HIVEP2: variants seen among roughly 807,000 people sequenced by gnomAD.
The protein encoded by HIVEP2 is HIVEP zinc finger 2.
In HIVEP2, 14 loss-of-function variants were observed where a neutral mutation model predicts 180.7. That is an observed-to-expected ratio of 0.08 (90% CI 0.05 to 0.12). The LOEUF is 0.12. Ranked by LOEUF, HIVEP2 falls within the 10% of genes least tolerant of loss-of-function variation. The probability of loss-of-function intolerance (pLI) is 1.00; values close to 1 mark genes in which losing one functional copy is unlikely to be tolerated. For missense variants in HIVEP2, 2,579 were observed against 3,008.5 expected (o/e 0.86, Z 3.34); for synonymous variants, 1,184 against 1,136.4 (o/e 1.04, Z -0.84).
At chr6:142,924,035 G>A (rs559861895) in intron 1 of HIVEP2, among the ~76,000 whole-genome samples, 36 of 152,234 alleles carry the variant, frequency 2.4e-4, no homozygotes, top group African/African-American at 8.4e-4. Context: ...TAAATCAATA[G>A]GTCAATGAGC....
Position 142,773,045 on chromosome 6 carries a change from G to A in HIVEP2, c.1694C>T (p.Ser565Leu), listed in dbSNP as rs1775595332. 2 of 1,614,238 alleles carry A rather than the reference G, an allele frequency of 1.2e-6. No homozygotes were observed. Among genetic ancestry groups the A allele is most frequent in the Non-Finnish European group, 1.7e-6 (2 of 1,180,036 alleles). The stretch of plus-strand genomic sequence containing the variant: ...GGAACCAGTCATCCTTTCATCAAAT[G>A]AGTGACTTCCTCTCAAAGAAGGAGG... ...TIPPSLRGSH[S>L]FDERMTGSDD... Residue 565 changes from serine to leucine, a missense_variant, in exon 5 of 10, where the codon TCA becomes TTA. Transcript: ENST00000367603.
chr6:142,884,320 G>A (rs1562278141), intron 1 of HIVEP2, among the ~76,000 whole-genome samples: 1 of 151,962 alleles, frequency 6.6e-6, no homozygotes, highest in African/African-American at 2.4e-5. Context: ...AAAAAAAAAG[G>A]AATAAAACTT....
intron 1 of HIVEP2, among the ~76,000 whole-genome samples, chr6:142,876,160 G>C (rs1030377936): frequency 2.6e-5 from 4 of 152,160 alleles, no homozygotes; most frequent in Non-Finnish European, 5.9e-5. Flanking sequence ...AAAGAGTTGA[G>C]AAGATGACGA....
At chr6:142,875,328 T>C (rs1776406393) in intron 1 of HIVEP2, among the ~76,000 whole-genome samples, 1 of 152,108 alleles carries the variant, frequency 6.6e-6, no homozygotes, top group African/African-American at 2.4e-5. Context: ...GGAACCTATC[T>C]GGGAATGGGG....
chr6:142,894,273 C>T (rs1776930797), intron 1 of HIVEP2, among the ~76,000 whole-genome samples: 1 of 152,150 alleles, frequency 6.6e-6, no homozygotes, highest in South Asian at 2.1e-4. Context: ...ATTAGCCTCT[C>T]CTTCTGTCTT....
At chr6:142,913,729 A>G (rs1442071780) in intron 1 of HIVEP2, among the ~76,000 whole-genome samples, 2 of 152,352 alleles carry the variant, frequency 1.3e-5, no homozygotes, top group South Asian at 2.1e-4. Flanking sequence ...GAAACTTAGA[A>G]CAGGGCCAAA....
intron 1 of HIVEP2, among the ~76,000 whole-genome samples, chr6:142,893,000 A>T (rs920945900): frequency 1.3e-5 from 2 of 152,236 alleles, no homozygotes; most frequent in Non-Finnish European, 2.9e-5. Flanking sequence ...CCCTTCCAAT[A>T]ATGTCTATGG....
intron 2 of HIVEP2, among the ~76,000 whole-genome samples, chr6:142,819,368 T>C (rs535574599): frequency 6.6e-6 from 1 of 152,232 alleles, no homozygotes; most frequent in Non-Finnish European, 1.5e-5. Context: ...GGAGCTTTTA[T>C]GAATCTTAAA....
rs561792008 is a variant in HIVEP2, at chr6:142,799,773, G to A, written c.-527-16158C>T. Among the ~76,000 whole-genome samples, 4 of 152,254 alleles carry A rather than the reference G, an allele frequency of 2.6e-5. No individual in the cohort carries two copies. The East Asian group carries it at 7.7e-4, about 29-fold the overall frequency. On this transcript the variant is annotated intron_variant, in intron 2 of 9. Transcript: ENST00000367603. ...ACTAGTGACATCAAACAGCAGGGGA[G>A]CCTCTGGGCTAAGATGCAGTTAGTC... is the stretch of plus-strand genomic sequence containing the variant.
At chr6:142,930,862 A>C (rs946258058) in intron 1 of HIVEP2, among the ~76,000 whole-genome samples, 1 of 152,178 alleles carries the variant, frequency 6.6e-6, no homozygotes, top group East Asian at 1.9e-4. Flanking sequence ...GTATTTTCCT[A>C]TTCTCTCCTA....
At chr6:142,911,676 A>T (rs1458334505) in intron 1 of HIVEP2, among the ~76,000 whole-genome samples, 1 of 152,172 alleles carries the variant, frequency 6.6e-6, no homozygotes, top group Admixed American at 6.5e-5. Flanking sequence ...GAGAAGGATC[A>T]TTAATTCACT....
At chr6:142,910,438 TA>T (rs1250018528) in intron 1 of HIVEP2, among the ~76,000 whole-genome samples, 1 of 151,896 alleles carries the variant, frequency 6.6e-6, no homozygotes, top group East Asian at 1.9e-4. Flanking sequence ...CCATCTCTAC[TA>T]AAAAACACAA....
intron 3 of HIVEP2, among the ~76,000 whole-genome samples, chr6:142,776,601 G>A (rs1330658127): frequency 1.3e-5 from 2 of 150,450 alleles, no homozygotes; most frequent in African/African-American, 2.4e-5. Context: ...TGCAATCACT[G>A]CTCACTGCAG....
chr6:142,798,225 C>T (rs778027650), intron 2 of HIVEP2, among the ~76,000 whole-genome samples: 3 of 151,666 alleles, frequency 2.0e-5, no homozygotes, highest in East Asian at 1.9e-4. Context: ...GCTGAGATCG[C>T]GCCACTGCAC....
chr6:142,808,847 C>T (rs947750198), intron 2 of HIVEP2, among the ~76,000 whole-genome samples: 1 of 151,976 alleles, frequency 6.6e-6, no homozygotes, highest in African/African-American at 2.4e-5. Context: ...GACCTCATAA[C>T]GAATCTCTCA....
Position 142,752,947 on chromosome 6 carries a change from G to A in HIVEP2, c.*160C>T. 3.3e-6 allele frequency: 2 copies of A among 598,468 alleles called. No individual in the cohort carries two copies. Among genetic ancestry groups the A allele is most frequent in the South Asian group, 2.1e-5 (1 of 47,210 alleles). 37.1% of individuals were successfully genotyped at this position (598,468 alleles called of 1,614,324 possible). A position where few individuals can be genotyped will look rare whatever the true frequency, so the allele number is the denominator to read the frequency against. On this transcript the variant is annotated 3_prime_UTR_variant, in exon 10 of 10. Coordinates refer to ENST00000367603, the MANE Select transcript of HIVEP2 (RefSeq NM_006734.4). Reference sequence around the variant, plus strand: ...GTTTTGGTCAGGCTCATGATGACTTGTTAATTTACCTAATTCTTTTGATAT... The same window carrying A: ...GTTTTGGTCAGGCTCATGATGACTTATTAATTTACCTAATTCTTTTGATAT...
At chr6:142,896,607 G>C (rs955779024) in intron 1 of HIVEP2, among the ~76,000 whole-genome samples, 3 of 151,874 alleles carry the variant, frequency 2.0e-5, no homozygotes, top group African/African-American at 7.3e-5. Context: ...ATATTATCCA[G>C]TTTTTCCAGA....
In HIVEP2 at chr6:142,885,832, CAACT is replaced by C. The variant is rs571260903; in HGVS notation, c.-640-48789_-640-48786del. On this transcript the variant is annotated intron_variant, in intron 1 of 9. Transcript: ENST00000367603. ...CTTTATAAGCCGTAAACAGTACCAC[CAACT>C]ATCTTATAAAATGCCGCCTAATCTT... Among the ~76,000 whole-genome samples the C allele has an allele frequency of 1.3e-3, 202 of 152,290 alleles. 2 individuals are homozygous for C. The highest frequency in any genetic ancestry group is 4.7e-3 in the African/African-American group (194 of 41,568).
intron 1 of HIVEP2, among the ~76,000 whole-genome samples, chr6:142,841,415 G>A (rs868162039): frequency 2.6e-5 from 4 of 151,424 alleles, no homozygotes; most frequent in East Asian, 1.9e-4. Flanking sequence ...GTGTTAGGTC[G>A]TTTTCATGTG....
Sources: gnomAD v4.1 joint callset for allele counts (sites outside exome capture counted in the v4.1 genomes callset) on GRCh38, gnomAD v4.1.1 for gene constraint, MANE v1.5 for transcripts, NCBI Gene and HGNC (gene_info 2026-07-23, HGNC 2026-07-21) for gene names.